FAF1: variants seen among roughly 807,000 people sequenced by gnomAD.
FAF1 encodes Fas associated factor 1, also known as FAS-associated factor 1.
A neutral mutation model predicts 92.5 loss-of-function variants in FAF1; 25 were observed. The observed-to-expected ratio is 0.27, with a 90% CI of 0.20 to 0.38. The LOEUF (loss-of-function observed/expected upper bound fraction) is 0.38, where lower values mean the gene tolerates loss of function less well. Among genes scored for constraint, FAF1 ranks in the 10% least tolerant of loss-of-function variants. The pLI is 1.00. For synonymous variants in FAF1, 234 were observed against 273.2 expected (o/e 0.86, Z 1.42); for missense variants, 636 against 793.3 (o/e 0.80, Z 2.38).
At chr1:50,862,419 AACTGGCAAGGG>A (rs1644443365) in intron 1 of FAF1, among the ~76,000 whole-genome samples, 1 of 151,878 alleles carries the variant, frequency 6.6e-6, no homozygotes, top group African/African-American at 2.4e-5. Flanking sequence ...GGTAACGAGC[AACTGGCAAGGG>A]CAGTGGGCAG....
intron 5 of FAF1, among the ~76,000 whole-genome samples, chr1:50,741,316 A>T (rs964878093): frequency 5.3e-5 from 8 of 152,244 alleles, no homozygotes; most frequent in Admixed American, 4.6e-4. Context: ...CTATTAAAAG[A>T]TTTCAAAAAA....
intron 4 of FAF1, among the ~76,000 whole-genome samples, chr1:50,746,108 T>C (rs936218165): frequency 6.6e-6 from 1 of 151,342 alleles, no homozygotes; most frequent in East Asian, 1.9e-4. Context: ...TAGAGATCTG[T>C]GGAACTTTGA....
chr1:50,724,260 C>CATATAT (rs1342409801), intron 6 of FAF1, among the ~76,000 whole-genome samples: 3 of 137,482 alleles, frequency 2.2e-5, no homozygotes, highest in African/African-American at 5.8e-5. Flanking sequence ...AAAAAACAAC[C>CATATAT]ATATATATAT....
At chr1:50,793,339 C>T (rs910017155) in intron 3 of FAF1, among the ~76,000 whole-genome samples, 2 of 152,066 alleles carry the variant, frequency 1.3e-5, no homozygotes, top group African/African-American at 4.8e-5. Flanking sequence ...AAGAAAATAT[C>T]CAGATTTTTA....
intron 4 of FAF1, 37 bp downstream of exon 4, chr1:50,787,959 ATTAT>A (rs1249984345): frequency 6.6e-7 from 1 of 1,516,652 alleles, no homozygotes; most frequent in African/African-American, 1.4e-5. Flanking sequence ...TGTTTACCTA[ATTAT>A]TTATTTGTGA....
intron 6 of FAF1, among the ~76,000 whole-genome samples, chr1:50,734,063 T>C (rs929088825): frequency 6.6e-6 from 1 of 152,202 alleles, no homozygotes; most frequent in Non-Finnish European, 1.5e-5. Context: ...TCTCAAAGTG[T>C]TGGGAATACA....
intron 1 of FAF1, among the ~76,000 whole-genome samples, chr1:50,940,928 C>A (rs1350134340): frequency 6.6e-6 from 1 of 152,072 alleles, no homozygotes; most frequent in East Asian, 1.9e-4. Context: ...ACTGTCCTCT[C>A]TTTTTGCATA....
At chr1:50,815,942 G>A (rs1280303032) in intron 2 of FAF1, among the ~76,000 whole-genome samples, 1 of 151,464 alleles carries the variant, frequency 6.6e-6, no homozygotes, top group African/African-American at 2.4e-5. Context: ...CAGGAGAATC[G>A]CTTGAACCTG....
chr1:50,960,265 G>A lies in FAF1; in HGVS notation c.-454C>T. The A allele has an allele frequency of 3.0e-6, 1 of 329,122 alleles. No individual in the cohort carries two copies. The highest frequency in any genetic ancestry group is 5.5e-6 in the Non-Finnish European group (1 of 180,572). The allele number at this position is 329,122 out of a possible 1,614,324, so 20.4% of individuals were successfully genotyped here. ...TCCCTGGCCGCCGCCTCCGCCCCTGGTTGGCCAGCGCCACGGCTGTCGCAC... is the reference window on the plus strand; with the variant it reads ...TCCCTGGCCGCCGCCTCCGCCCCTGATTGGCCAGCGCCACGGCTGTCGCAC... On this transcript the variant is annotated 5_prime_UTR_variant, in exon 1 of 19. Coordinates refer to ENST00000396153, the MANE Select transcript of FAF1 (RefSeq NM_007051.3).
chr1:50,653,025 G>T (rs1410966522), intron 8 of FAF1, among the ~76,000 whole-genome samples: 1 of 152,066 alleles, frequency 6.6e-6, no homozygotes, highest in Non-Finnish European at 1.5e-5. Context: ...CTTGTAACAA[G>T]TTCTTAGACA....
intron 1 of FAF1, among the ~76,000 whole-genome samples, chr1:50,949,478 C>T (rs1453626767): frequency 6.6e-6 from 1 of 152,182 alleles, no homozygotes; most frequent in African/African-American, 2.4e-5. Flanking sequence ...TGCCCAATGT[C>T]CCCTGGGGGA....
At chr1:50,589,304 A>G (rs1558006470) in intron 9 of FAF1, among the ~76,000 whole-genome samples, 1 of 151,906 alleles carries the variant, frequency 6.6e-6, no homozygotes, top group Admixed American at 6.6e-5. Flanking sequence ...GGCTCTGGGG[A>G]GGAGGGATTT....
chr1:50,614,532 T>C (rs1278266578), intron 8 of FAF1, among the ~76,000 whole-genome samples: 3 of 151,622 alleles, frequency 2.0e-5, no homozygotes, highest in African/African-American at 7.3e-5. Context: ...ATATTAGAAA[T>C]CTTCCTTTAA....
intron 1 of FAF1, among the ~76,000 whole-genome samples, chr1:50,923,271 A>C (rs1476181700): frequency 6.6e-6 from 1 of 152,038 alleles, no homozygotes; most frequent in Non-Finnish European, 1.5e-5. Flanking sequence ...TATTCCAAAA[A>C]AATTTAGCCA....
chr1:50,792,185 G>GT (rs879862176), intron 3 of FAF1, among the ~76,000 whole-genome samples: 1 of 152,106 alleles, frequency 6.6e-6, no homozygotes, highest in Non-Finnish European at 1.5e-5. Flanking sequence ...ATGATACAGA[G>GT]TTTGTAAGTT....
At chr1:50,516,949 A>C (rs1647240499) in intron 15 of FAF1, among the ~76,000 whole-genome samples, 1 of 152,192 alleles carries the variant, frequency 6.6e-6, no homozygotes, top group African/African-American at 2.4e-5. Flanking sequence ...TTACACCTGG[A>C]ATATTTGCAG....
At chr1:50,463,218 CAT>C (rs1646454164) in intron 18 of FAF1, among the ~76,000 whole-genome samples, 1 of 152,202 alleles carries the variant, frequency 6.6e-6, no homozygotes, top group South Asian at 2.1e-4. Context: ...CAACATTTCA[CAT>C]GTGTTGTCTC....
intron 1 of FAF1, among the ~76,000 whole-genome samples, chr1:50,906,173 A>C (rs1644836558): frequency 6.6e-6 from 1 of 152,140 alleles, no homozygotes; most frequent in Admixed American, 6.5e-5. Context: ...AGGTTTGTCA[A>C]AGATCAGATG....
At chr1:50,779,965 T>A (rs978937199) in intron 4 of FAF1, among the ~76,000 whole-genome samples, 2 of 139,296 alleles carry the variant, frequency 1.4e-5, no homozygotes, top group Admixed American at 7.2e-5. Flanking sequence ...AGCATATCAC[T>A]ACAAGCACAC....
Sources: allele counts gnomAD v4.1 joint callset (sites outside exome capture counted in the v4.1 genomes callset), GRCh38; gene constraint gnomAD v4.1.1; transcripts MANE v1.5; gene names NCBI Gene and HGNC (gene_info 2026-07-23, HGNC 2026-07-21).